Variants in STK3 observed in about 807,000 individuals in gnomAD.
STK3 encodes the protein serine/threonine-protein kinase 3.
In STK3, 41 loss-of-function variants were observed where a neutral mutation model predicts 58.0. The observed-to-expected ratio is 0.71, with a 90% CI of 0.55 to 0.92. STK3 has a LOEUF of 0.92. Ranked by LOEUF, STK3 falls within the 40% of genes least tolerant of loss-of-function variation. The pLI is 0.00. For synonymous variants in STK3, 170 were observed against 191.0 expected (o/e 0.89, Z 0.91); for missense variants, 479 against 602.7 (o/e 0.79, Z 2.15).
Position 98,729,338 on chromosome 8 carries a change from G to C in STK3, c.351+19938C>G, listed in dbSNP as rs1039046175. Among the ~76,000 whole-genome samples, 4 of 152,206 alleles carry C rather than the reference G, an allele frequency of 2.6e-5. No homozygotes were observed. The East Asian group carries it at 7.7e-4, about 29-fold the overall frequency. ...TCAGCCAGGTTGGTCTCAAACTCCTGAGCCCAAGTGATCTCCCCGCCTCAG... is the reference window on the plus strand; with the variant it reads ...TCAGCCAGGTTGGTCTCAAACTCCTCAGCCCAAGTGATCTCCCCGCCTCAG... On this transcript the variant is annotated intron_variant, in intron 4 of 10. Transcript: ENST00000419617.
chr8:98,770,006 T>C lies in STK3; in HGVS notation c.108-2635A>G, dbSNP rs557765644. ...CACATCAGCACCAGGTCTGTTATGT[T>C]AAAGTTAAGGTATCTAACAATAAAG... On this transcript the variant is annotated intron_variant, in intron 2 of 10. Transcript: ENST00000419617. Among the ~76,000 whole-genome samples the C allele has an allele frequency of 1.3e-5, 2 of 152,316 alleles. 1 individual carries two copies. The highest frequency in any genetic ancestry group is 4.1e-4 in the South Asian group (2 of 4,822).
intron 6 of STK3, among the ~76,000 whole-genome samples, chr8:98,676,407 G>A (rs561439991): frequency 1.3e-5 from 2 of 152,148 alleles, no homozygotes; most frequent in African/African-American, 4.8e-5. Context: ...TCAGGAGTTA[G>A]AGACCATCCA....
At chr8:98,614,990 G>C (rs553378805) in intron 6 of STK3, among the ~76,000 whole-genome samples, 7 of 152,356 alleles carry the variant, frequency 4.6e-5, no homozygotes, top group African/African-American at 1.2e-4. Context: ...GCCTCTGTAA[G>C]CTCCACGTCT....
chr8:98,795,093 AAAAAAAAAAAATATATAT>A (rs1408947479), intron 1 of STK3, among the ~76,000 whole-genome samples: 3 of 65,280 alleles, frequency 4.6e-5, no homozygotes, highest in African/African-American at 6.5e-5. Flanking sequence ...AAAAAAAAAA[AAAAAAAAAAAATATATAT>A]ATATATATAT....
At position 98,455,259 on chromosome 8, in the gene STK3, G is replaced by T. The variant is rs1771948866; in HGVS notation, c.*583C>A. 6.6e-6 allele frequency: 1 copy of T among 152,316 alleles called. No individual in the cohort carries two copies. The highest frequency in any genetic ancestry group is 6.6e-5 in the Admixed American group (1 of 15,244). 9.4% of individuals were successfully genotyped at this position (152,316 alleles called of 1,614,324 possible). On this transcript the variant is annotated 3_prime_UTR_variant, in exon 11 of 11. Transcript: ENST00000419617. ...AGGCCTAGCCCATTTGAGAACTACTGCCATTATTGCTTTCCTATTTGAAAA... is the reference window on the plus strand; with the variant it reads ...AGGCCTAGCCCATTTGAGAACTACTTCCATTATTGCTTTCCTATTTGAAAA...
chr8:98,383,272 C>G (rs1817757258), intron 1 of STK3, among the ~76,000 whole-genome samples: 1 of 152,056 alleles, frequency 6.6e-6, no homozygotes, highest in African/African-American at 2.4e-5. Context: ...AATAACTTGC[C>G]CAAAGTCGCC....
intron 1 of STK3, among the ~76,000 whole-genome samples, chr8:98,786,947 G>T (rs1177741260): frequency 6.6e-6 from 1 of 152,050 alleles, no homozygotes; most frequent in East Asian, 1.9e-4. Context: ...AAGACGGGCA[G>T]ATCAAGAGGT....
intron 6 of STK3, among the ~76,000 whole-genome samples, chr8:98,665,993 G>A (rs1822327826): frequency 6.6e-6 from 1 of 151,898 alleles, no homozygotes; most frequent in African/African-American, 2.4e-5. Context: ...GTGAGCCACC[G>A]CACCTGGCCC....
chr8:98,588,884 T>C (rs1814947093), intron 7 of STK3, among the ~76,000 whole-genome samples: 1 of 151,096 alleles, frequency 6.6e-6, no homozygotes, highest in Non-Finnish European at 1.5e-5. Context: ...TTCCAGTTGA[T>C]CGCATCGGCT....
At chr8:98,502,382 T>C (rs1361904158) in intron 10 of STK3, among the ~76,000 whole-genome samples, 3 of 152,234 alleles carry the variant, frequency 2.0e-5, no homozygotes, top group Non-Finnish European at 4.4e-5. Context: ...CTTTTCCTAC[T>C]TGAATACCCT....
At chr8:98,779,913 T>C (rs1333251055) in intron 1 of STK3, among the ~76,000 whole-genome samples, 1 of 152,082 alleles carries the variant, frequency 6.6e-6, no homozygotes, top group Non-Finnish European at 1.5e-5. Context: ...AATGAATATA[T>C]ATAAACTTAT....
intron 3 of STK3, among the ~76,000 whole-genome samples, chr8:98,750,296 G>A (rs1829890221): frequency 6.6e-6 from 1 of 151,756 alleles, no homozygotes; most frequent in Non-Finnish European, 1.5e-5. Context: ...AAAAGAGAAA[G>A]ACCATGAATA....
intron 6 of STK3, among the ~76,000 whole-genome samples, chr8:98,637,916 A>G (rs1275118442): frequency 6.6e-6 from 1 of 152,168 alleles, no homozygotes; most frequent in Admixed American, 6.5e-5. Flanking sequence ...ACTAAAAGCA[A>G]TATTATTTTT....
chr8:98,818,385 A>G (rs554303402), intron 1 of STK3, among the ~76,000 whole-genome samples: 1 of 152,376 alleles, frequency 6.6e-6, no homozygotes, highest in South Asian at 2.1e-4. Flanking sequence ...AATGAAGTAA[A>G]GGCCGAATGC....
chr8:98,747,610 T>C (rs1423150608), intron 4 of STK3, among the ~76,000 whole-genome samples: 2 of 152,194 alleles, frequency 1.3e-5, no homozygotes, highest in African/African-American at 4.8e-5. Context: ...TTAACAATAA[T>C]GGTACTCTTT....
chr8:98,939,215 T>C (rs1466853254), intron 1 of STK3, among the ~76,000 whole-genome samples: 3 of 152,046 alleles, frequency 2.0e-5, no homozygotes, highest in African/African-American at 7.2e-5. Flanking sequence ...AAGGAAGAGG[T>C]AGGGACGGAG....
At chr8:98,860,575 C>T (rs950082534) in intron 3 of STK3, among the ~76,000 whole-genome samples, 4 of 152,310 alleles carry the variant, frequency 2.6e-5, no homozygotes, top group South Asian at 4.1e-4. Context: ...AAAAAAAGAA[C>T]ATGTCAGTAA....
intron 6 of STK3, among the ~76,000 whole-genome samples, chr8:98,690,119 C>G (rs1406107061): frequency 6.6e-6 from 1 of 152,146 alleles, no homozygotes; most frequent in Non-Finnish European, 1.5e-5. Context: ...GATGCATTCC[C>G]TTAAGAACTG....
chr8:98,825,482 T>C (rs761050186), intron 1 of STK3, 33 bp downstream of exon 1: 4 of 1,421,814 alleles, frequency 2.8e-6, no homozygotes, highest in African/African-American at 1.6e-5. Context: ...CCGGCGCCGC[T>C]TCCCTCCTTC....
Sources: gnomAD v4.1 joint callset for allele counts (sites outside exome capture counted in the v4.1 genomes callset) on GRCh38, gnomAD v4.1.1 for gene constraint, MANE v1.5 for transcripts, NCBI Gene and HGNC (gene_info 2026-07-23, HGNC 2026-07-21) for gene names.